The following TTC39A variants were observed in gnomAD, a reference collection of about 807,000 sequenced individuals.
TTC39A encodes tetratricopeptide repeat protein 39A.
Under a neutral mutation model 82.3 loss-of-function variants are expected in TTC39A, and 46 were observed. The observed-to-expected ratio is 0.56, with a 90% CI of 0.44 to 0.71. TTC39A has a LOEUF of 0.71. Among genes scored for constraint, TTC39A ranks in the 30% least tolerant of loss-of-function variants. The pLI is 0.00. For missense variants in TTC39A, 543 were observed against 712.9 expected, an observed-to-expected ratio of 0.76 and a Z score of 2.71; for synonymous variants, 254 against 275.2, an observed-to-expected ratio of 0.92 and a Z score of 0.76.
chr1:51,295,149 C>A (rs1298413636), intron 13 of TTC39A, among the ~76,000 whole-genome samples: 4 of 152,166 alleles, frequency 2.6e-5, no homozygotes, highest in African/African-American at 9.7e-5. Context: ...TGAGGTCCCC[C>A]CAAACTCTTC....
At chr1:51,326,246 T>C (rs1170892738) in intron 1 of TTC39A, among the ~76,000 whole-genome samples, 1 of 152,122 alleles carries the variant, frequency 6.6e-6, no homozygotes, top group Non-Finnish European at 1.5e-5. Flanking sequence ...CTGAGGAGGC[T>C]GGGCGGAAGG....
upstream of TTC39A, among the ~76,000 whole-genome samples, chr1:51,332,789 AATG>A (rs1645929398): frequency 6.6e-6 from 1 of 152,230 alleles, no homozygotes; most frequent in Non-Finnish European, 1.5e-5. Context: ...CAGAGTCAAA[AATG>A]ATGATGATGC....
intron 2 of TTC39A, among the ~76,000 whole-genome samples, chr1:51,318,827 G>C (rs567953020): frequency 6.6e-6 from 1 of 152,146 alleles, no homozygotes. Context: ...CAGCTCTCTA[G>C]GTCATCCAAA....
Position 51,302,337 on chromosome 1 carries a change from C to T in TTC39A, c.891+20G>A. The T allele has an allele frequency of 1.3e-6, 2 of 1,589,760 alleles. No individual in the cohort carries two copies. The highest frequency in any genetic ancestry group is 1.7e-6 in the Non-Finnish European group (2 of 1,168,402). Reference sequence around the variant, plus strand: ...GACCCCGAGGGATCCCCAGCCCCGGCCCGGACCCCCATCACTCACTGCATC... The same window carrying T: ...GACCCCGAGGGATCCCCAGCCCCGGTCCGGACCCCCATCACTCACTGCATC... On this transcript the variant is annotated intron_variant, in intron 11 of 17. Coordinates refer to ENST00000680483, the MANE Select transcript of TTC39A (RefSeq NM_001297663.2).
At chr1:51,296,444 A>T (rs1043948709) in intron 12 of TTC39A, among the ~76,000 whole-genome samples, 1 of 152,248 alleles carries the variant, frequency 6.6e-6, no homozygotes, top group Non-Finnish European at 1.5e-5. Context: ...TGCGGCAGAG[A>T]CACAAGGACA....
At chr1:51,309,809 C>T (rs1645016932) in intron 5 of TTC39A, among the ~76,000 whole-genome samples, 1 of 152,078 alleles carries the variant, frequency 6.6e-6, no homozygotes, top group Non-Finnish European at 1.5e-5. Context: ...CCCAAATGGC[C>T]ACCAGCAGAA....
intron 8 of TTC39A, among the ~76,000 whole-genome samples, chr1:51,303,403 C>A (rs1001080050): frequency 2.6e-5 from 4 of 152,234 alleles, no homozygotes; most frequent in African/African-American, 9.6e-5. Context: ...AAGGCCAGGA[C>A]AAAGGCTTGG....
In TTC39A at chr1:51,294,733, AG is replaced by A. The variant is rs1569778292; in HGVS notation, c.1146-223del. Among the ~76,000 whole-genome samples, 1 of 152,218 alleles carries A rather than the reference AG, an allele frequency of 6.6e-6. No homozygotes were observed. The highest frequency in any genetic ancestry group is 2.1e-4 in the South Asian group (1 of 4,836). ...CCTGGCCACTTCCTATGGCTGGGCAAGGGGTTCCTCCCCGCCAGCTGGCAGA... is the reference window on the plus strand; with the variant it reads ...CCTGGCCACTTCCTATGGCTGGGCAAGGGTTCCTCCCCGCCAGCTGGCAGA... On this transcript the variant is annotated intron_variant, in intron 13 of 17. Transcript: ENST00000680483. This position sits in a 1 kb window ranked among gnomAD's most constrained non-coding sequence, Gnocchi z 4.3.
At chr1:51,340,131 C>T (rs368547535) in intron 1 of TTC39A, among the ~76,000 whole-genome samples, 1 of 152,206 alleles carries the variant, frequency 6.6e-6, no homozygotes, top group African/African-American at 2.4e-5. Context: ...TCCTCCCGAA[C>T]TGTGAGAAAT....
Position 51,337,199 on chromosome 1 carries a change from C to CA in TTC39A, c.53+7791dup, listed in dbSNP as rs984177920. Among the ~76,000 whole-genome samples, 56 of 152,124 alleles carry CA rather than the reference C, an allele frequency of 3.7e-4. 2 individuals carry two copies. Among genetic ancestry groups the CA allele is most frequent in the Non-Finnish European group, 1.3e-4 (9 of 68,026 alleles). On this transcript the variant is annotated intron_variant, in intron 1 of 5. Coordinates refer to the TTC39A transcript ENST00000401051. The stretch of plus-strand genomic sequence containing the variant: ...AGGCCCTGCACAACCTGTATGCTCC[C>CA]ATCATCTCCCGACATCATTTCCCTT...
At chr1:51,341,126 C>T (rs1373252595) in intron 1 of TTC39A, among the ~76,000 whole-genome samples, 2 of 151,972 alleles carry the variant, frequency 1.3e-5, no homozygotes, top group East Asian at 3.9e-4. Context: ...CGCACCATTG[C>T]ATTCCAGCCT....
chr1:51,333,220 CAA>C (rs748559262), upstream of TTC39A, among the ~76,000 whole-genome samples: 18 of 80,266 alleles, frequency 2.2e-4, no homozygotes, highest in African/African-American at 4.5e-4. Flanking sequence ...TCGCCCCCAC[CAA>C]AAAAAAAAAA....
At chr1:51,290,655 G>A (rs148575267) in intron 14 of TTC39A, 30 bp from the exon 15 acceptor site, 2 of 1,587,534 alleles carry the variant, frequency 1.3e-6, no homozygotes, top group Non-Finnish European at 1.7e-6. Context: ...TCAGTCCTAG[G>A]TTTCTTCCCT....
intron 1 of TTC39A, among the ~76,000 whole-genome samples, chr1:51,328,243 CACT>C (rs973696924): frequency 6.6e-6 from 1 of 152,036 alleles, no homozygotes; most frequent in Non-Finnish European, 1.5e-5. Flanking sequence ...CCAGCAATTC[CACT>C]ACTAAGGGGG....
chr1:51,307,279 G>A (rs145066784), intron 6 of TTC39A, among the ~76,000 whole-genome samples: 24 of 152,302 alleles, frequency 1.6e-4, no homozygotes, highest in South Asian at 2.1e-4. Flanking sequence ...GGAGGCTGAC[G>A]GGGCCAGAGC....
intron 6 of TTC39A, among the ~76,000 whole-genome samples, chr1:51,308,806 CGTGCATGTGTGCAT>C (rs1014587227): frequency 6.6e-6 from 1 of 151,832 alleles, no homozygotes; most frequent in Non-Finnish European, 1.5e-5. Context: ...TGTGTGTGTG[CGTGCATGTGTGCAT>C]GTGCATGTGT....
Position 51,288,408 on chromosome 1 carries a change from G to C in TTC39A, c.1611-128C>G. ...AGAGAAATTAATGTGTCCAGAGAGA[G>C]TTGAGCCCTACCCAATGGGAGAGTT... is the stretch of plus-strand genomic sequence containing the variant. On this transcript the variant is annotated intron_variant, in intron 17 of 17. Transcript: ENST00000680483. This position sits in a 1 kb window ranked among gnomAD's most constrained non-coding sequence, Gnocchi z 4.8. The C allele has an allele frequency of 6.8e-7, 1 of 1,461,888 alleles. No individual in the cohort carries two copies. Among genetic ancestry groups the C allele is most frequent in the South Asian group, 1.3e-5 (1 of 76,920 alleles). The allele number at this position is 1,461,888 out of a possible 1,614,324, so 90.6% of individuals were successfully genotyped here.
intron 5 of TTC39A, among the ~76,000 whole-genome samples, chr1:51,310,987 C>T (rs1645059769): frequency 1.3e-5 from 2 of 152,196 alleles, no homozygotes; most frequent in Admixed American, 1.3e-4. Flanking sequence ...TGACCCTTAA[C>T]AGGAAATGCA....
In TTC39A at chr1:51,296,080, G is replaced by T. The variant is rs762316572; in HGVS notation, c.1144C>A (p.Arg382=). The T allele has an allele frequency of 1.3e-6, 2 of 1,580,866 alleles. No individual in the cohort carries two copies. Among genetic ancestry groups the T allele is most frequent in the Admixed American group, 1.8e-5 (1 of 55,050 alleles). The part of the protein sequence containing the change: ...PFGDDEVELF[R]AVPGLKLKIA... ...GTGGGAGCACGATGTGGGACCCACC[G>T]AAATAATTCCACTTCGTCGTCCCCG... Residue 382 remains arginine, a splice_region_variant and synonymous_variant, in exon 13 of 18, where the codon CGA becomes AGA. Transcript: ENST00000680483.
Sources: allele counts gnomAD v4.1 joint callset (sites outside exome capture counted in the v4.1 genomes callset), GRCh38; gene constraint gnomAD v4.1.1; non-coding constraint Gnocchi (gnomAD v3.1); transcripts MANE v1.5; gene names NCBI Gene and HGNC (gene_info 2026-07-23, HGNC 2026-07-21).